Variants in DAB1 observed in about 807,000 individuals in gnomAD.
The protein encoded by DAB1 is disabled homolog 1.
Under a neutral mutation model 64.6 loss-of-function variants are expected in DAB1, and 15 were observed. The ratio of observed to expected loss-of-function variants is 0.23; its 90% CI spans 0.16 to 0.36. The LOEUF is 0.36. Among genes scored for constraint, DAB1 ranks in the 10% least tolerant of loss-of-function variants. The pLI is 1.00. For missense variants in DAB1, 596 were observed against 706.7 expected (o/e 0.84, Z 1.78); for synonymous variants, 235 against 251.9 (o/e 0.93, Z 0.64).
At chr1:58,036,883 C>G (rs1256275503) in intron 5 of DAB1, among the ~76,000 whole-genome samples, 4 of 152,296 alleles carry the variant, frequency 2.6e-5, no homozygotes, top group Non-Finnish European at 4.4e-5. Flanking sequence ...GATTACATTT[C>G]CCAACTTCTC....
intron 3 of DAB1, among the ~76,000 whole-genome samples, chr1:58,408,804 G>A (rs559588574): frequency 6.6e-6 from 1 of 152,330 alleles, no homozygotes; most frequent in Admixed American, 6.5e-5. Context: ...CCACAGGGCT[G>A]CTGAACTGTG....
intron 5 of DAB1, chr1:58,049,042 C>A: frequency 1.3e-6 from 1 of 784,314 alleles, no homozygotes; most frequent in Non-Finnish European, 2.3e-6. Context: ...TCTGTTTCCA[C>A]AACTCTTCCA....
At chr1:58,322,096 G>A (rs1662698566) in intron 4 of DAB1, among the ~76,000 whole-genome samples, 1 of 152,026 alleles carries the variant, frequency 6.6e-6, no homozygotes, top group Non-Finnish European at 1.5e-5. Context: ...AATTCAAGAT[G>A]GATTAAAGAC....
At chr1:58,079,877 T>C (rs2100590221) in intron 5 of DAB1, 1 of 152,292 alleles carries the variant, frequency 6.6e-6, no homozygotes, top group East Asian at 1.9e-4. Flanking sequence ...AAAACCTCTA[T>C]AAGGTCAGGG....
intron 3 of DAB1, among the ~76,000 whole-genome samples, chr1:58,461,311 A>G (rs1162839793): frequency 6.6e-6 from 1 of 152,222 alleles, no homozygotes; most frequent in Non-Finnish European, 1.5e-5. Flanking sequence ...TTTTATTGCC[A>G]GTAGAGGAAT....
chr1:57,273,603 C>A lies in DAB1; in HGVS notation c.67+17361G>T, dbSNP rs1253575566. Among the ~76,000 whole-genome samples the A allele has an allele frequency of 5.8e-5, 7 of 120,996 alleles. No homozygotes were observed. The East Asian group carries it at 1.5e-3, about 26-fold the overall frequency. 79.4% of individuals were successfully genotyped at this position (120,996 alleles called of 152,430 possible). On this transcript the variant is annotated intron_variant, in intron 2 of 14. Transcript: ENST00000371236. ...CCTTCCTTCCTTCCTTCCTTCCTTC[C>A]TTCCTTCCTTCCCTCCCTCCCTCCC...
chr1:57,838,665 A>ACACTT (rs1652917698), intron 1 of DAB1, among the ~76,000 whole-genome samples: 1 of 152,144 alleles, frequency 6.6e-6, no homozygotes, highest in Admixed American at 6.5e-5. Context: ...TTCAGACCAA[A>ACACTT]CACTTCATCT....
chr1:58,216,762 G>T (rs187394687), intron 4 of DAB1, among the ~76,000 whole-genome samples: 7 of 152,216 alleles, frequency 4.6e-5, no homozygotes, highest in Non-Finnish European at 7.4e-5. Context: ...GTTTTGATTT[G>T]CATTTCTCTA....
chr1:57,297,940 G>A (rs1410914335), intron 1 of DAB1, among the ~76,000 whole-genome samples: 1 of 152,126 alleles, frequency 6.6e-6, no homozygotes, highest in African/African-American at 2.4e-5. Context: ...GCACGGAACA[G>A]GGTCCTTTCT....
chr1:57,975,620 G>A (rs563843087), intron 5 of DAB1, among the ~76,000 whole-genome samples: 1 of 152,180 alleles, frequency 6.6e-6, no homozygotes, highest in South Asian at 2.1e-4. Flanking sequence ...TTATTAAACA[G>A]AAGTTTGACT....
chr1:57,435,678 G>T (rs1372023062), intron 7 of DAB1, among the ~76,000 whole-genome samples: 2 of 152,062 alleles, frequency 1.3e-5, no homozygotes, highest in African/African-American at 4.8e-5. Context: ...GTCTTCAGGG[G>T]CAGTAACATG....
intron 1 of DAB1, among the ~76,000 whole-genome samples, chr1:58,539,854 C>T (rs544837521): frequency 6.4e-4 from 98 of 152,136 alleles, no homozygotes; most frequent in African/African-American, 2.1e-3. Flanking sequence ...TCCCCTAAAT[C>T]GAAGAGATAA....
intron 2 of DAB1, among the ~76,000 whole-genome samples, chr1:57,287,550 C>T (rs1672417248): frequency 6.6e-6 from 1 of 152,130 alleles, no homozygotes; most frequent in Non-Finnish European, 1.5e-5. Context: ...AGGTTATATG[C>T]TGTCTCCATA....
rs868635234 is a variant in DAB1, at chr1:57,729,521, T to C, written n.552-79856A>G. Among the ~76,000 whole-genome samples, 13 of 152,350 alleles carry C rather than the reference T, an allele frequency of 8.5e-5. No individual in the cohort carries two copies. The Middle Eastern group carries it at 0.01, about 120-fold the overall frequency. ...AGGTGGGCACTGGTAGGGGGAGAAC[T>C]GAGAAGCCACATAAATGACAGAGCA... On this transcript the variant is annotated intron_variant and non_coding_transcript_variant, in intron 6 of 20. Coordinates refer to the DAB1 transcript ENST00000485760.
intron 7 of DAB1, among the ~76,000 whole-genome samples, chr1:57,493,453 G>A (rs1257623331): frequency 2.0e-5 from 3 of 152,118 alleles, no homozygotes; most frequent in Non-Finnish European, 2.9e-5. Context: ...CCATGCTGTA[G>A]CATGTATCAG....
chr1:58,208,776 A>G (rs1658410035), intron 4 of DAB1, among the ~76,000 whole-genome samples: 4 of 152,166 alleles, frequency 2.6e-5, no homozygotes, highest in Admixed American at 2.6e-4. Context: ...TTTCTCATAT[A>G]ATGACTTCTT....
At chr1:57,969,607 T>A (rs952410645) in intron 5 of DAB1, among the ~76,000 whole-genome samples, 6 of 152,194 alleles carry the variant, frequency 3.9e-5, no homozygotes, top group Non-Finnish European at 8.8e-5. Context: ...TCCTCATGCA[T>A]CACAAAACTT....
chr1:57,910,255 T>C (rs1644621329), intron 5 of DAB1, among the ~76,000 whole-genome samples: 1 of 152,194 alleles, frequency 6.6e-6, no homozygotes, highest in Non-Finnish European at 1.5e-5. Flanking sequence ...AGGTGGGTAA[T>C]TGCATTCTTG....
chr1:57,232,227 G>A (rs1200806143), intron 2 of DAB1, among the ~76,000 whole-genome samples: 1 of 142,422 alleles, frequency 7.0e-6, no homozygotes, highest in Non-Finnish European at 1.5e-5. Context: ...AAGGCCAAGA[G>A]CAATAAACCC....
Sources: gnomAD v4.1 joint callset for allele counts (sites outside exome capture counted in the v4.1 genomes callset) on GRCh38, gnomAD v4.1.1 for gene constraint, MANE v1.5 for transcripts, NCBI Gene and HGNC (gene_info 2026-07-23, HGNC 2026-07-21) for gene names.